The following NDUFB6 variants were observed in gnomAD, a reference collection of about 807,000 sequenced individuals.
The protein encoded by NDUFB6 is NADH:ubiquinone oxidoreductase subunit B6.
A neutral mutation model predicts 17.5 loss-of-function variants in NDUFB6; 23 were observed. The observed-to-expected ratio is 1.31, with a 90% CI of 0.94 to 1.86. NDUFB6 has a LOEUF of 1.86. Ranked by LOEUF, NDUFB6 falls within the 40% of genes most tolerant of loss-of-function variation. The pLI, the probability that NDUFB6 is intolerant of heterozygous loss-of-function variation, is 0.00. For synonymous variants in NDUFB6, 60 were observed against 53.5 expected (o/e 1.12, Z -0.53); for missense variants, 167 against 153.8 (o/e 1.09, Z -0.46).
chr9:32,553,151 T>C lies in NDUFB6; in HGVS notation c.*725A>G, dbSNP rs576906633. 14 of 407,788 alleles carry C rather than the reference T, an allele frequency of 3.4e-5. No homozygotes were observed. The East Asian group carries it at 5.8e-4, about 17-fold the overall frequency. The allele number at this position is 407,788 out of a possible 1,614,324, so 25.3% of individuals were successfully genotyped here. A position where few individuals can be genotyped will look rare whatever the true frequency, so the allele number is the denominator to read the frequency against. On this transcript the variant is annotated 3_prime_UTR_variant, in exon 4 of 4. Transcript: ENST00000379847. ...CTTGAGTGTCAGATCATAGTTGGAATAAGCTTTTCAATCAAGTTTCTAAAT... is the reference window on the plus strand; with the variant it reads ...CTTGAGTGTCAGATCATAGTTGGAACAAGCTTTTCAATCAAGTTTCTAAAT...
intron 2 of NDUFB6, among the ~76,000 whole-genome samples, chr9:32,570,683 C>G (rs60622768): frequency 1.1e-3 from 173 of 151,884 alleles, no homozygotes; most frequent in Non-Finnish European, 1.8e-3. Context: ...ATTCATGACT[C>G]CAAATTTACC....
intron 2 of NDUFB6, among the ~76,000 whole-genome samples, chr9:32,561,865 C>T (rs185926534): frequency 1.3e-4 from 20 of 152,332 alleles, no homozygotes; most frequent in Admixed American, 8.5e-4. Context: ...TCTACTAAAA[C>T]GCAATGGCCT....
At chr9:32,563,491 C>CTTT (rs111646430) in intron 2 of NDUFB6, among the ~76,000 whole-genome samples, 4 of 92,004 alleles carry the variant, frequency 4.3e-5, no homozygotes, top group African/African-American at 1.3e-4. Flanking sequence ...GACTATTGGG[C>CTTT]TTTTTTTTTT....
intron 2 of NDUFB6, chr9:32,566,074 A>C (rs1821778772): frequency 2.3e-6 from 1 of 427,710 alleles, no homozygotes; most frequent in South Asian, 3.8e-5. Flanking sequence ...AGTGACCAAA[A>C]AAAAAAAAAG....
Position 32,563,491 on chromosome 9 carries a change from C to CTTTTTTTTTTT in NDUFB6, c.274-4548_274-4538dup, listed in dbSNP as rs111646430. ...CTCCTGAACAGGTGGGACTATTGGG[C>CTTTTTTTTTTT]TTTTTTTTTTTTTGGAGGGATGGGG... is the stretch of plus-strand genomic sequence containing the variant. On this transcript the variant is annotated intron_variant, in intron 2 of 3. Transcript: ENST00000379847. Among the ~76,000 whole-genome samples, 46 of 91,988 alleles carry CTTTTTTTTTTT rather than the reference C, an allele frequency of 5.0e-4. 7 individuals carry two copies. Among genetic ancestry groups the CTTTTTTTTTTT allele is most frequent in the African/African-American group, 1.0e-3 (23 of 22,588 alleles). The allele number at this position is 91,988 out of a possible 152,430, so 60.3% of individuals were successfully genotyped here.
At chr9:32,566,950 A>G (rs1158288548) in intron 2 of NDUFB6, 4 of 525,236 alleles carry the variant, frequency 7.6e-6, no homozygotes, top group Admixed American at 2.5e-5. Context: ...TGAGGTGAGC[A>G]GCACCAGCTC....
intron 2 of NDUFB6, chr9:32,566,328 T>C (rs922830789): frequency 8.5e-7 from 1 of 1,172,336 alleles, no homozygotes; most frequent in Non-Finnish European, 1.3e-6. Context: ...TCCATCTTGT[T>C]CTTTAACTGC....
At chr9:32,570,329 C>T (rs894886223) in intron 2 of NDUFB6, among the ~76,000 whole-genome samples, 3 of 152,152 alleles carry the variant, frequency 2.0e-5, no homozygotes, top group African/African-American at 7.2e-5. Context: ...CTTTTGTGCT[C>T]CAACACTTCA....
At chr9:32,571,131 TAACAATGC>T in intron 1 of NDUFB6, 79 bp from the exon 2 acceptor site, 1 of 931,406 alleles carries the variant, frequency 1.1e-6, no homozygotes. Flanking sequence ...ATCAATGATG[TAACAATGC>T]CATGACTATT....
At chr9:32,560,868 AAT>A (rs1197593194) in intron 2 of NDUFB6, among the ~76,000 whole-genome samples, 1 of 152,334 alleles carries the variant, frequency 6.6e-6, no homozygotes, top group Admixed American at 6.5e-5. Flanking sequence ...TTAGGAAAAA[AAT>A]ATGTTTTTAT....
intron 2 of NDUFB6, among the ~76,000 whole-genome samples, chr9:32,569,242 C>T (rs1273440778): frequency 6.6e-6 from 1 of 151,770 alleles, no homozygotes; most frequent in East Asian, 2.0e-4. Context: ...TTTTTTGAGA[C>T]GGAGTCTCAC....
rs557468799 is a variant in NDUFB6 at position 32,568,588 on chromosome 9, A to G, written c.273+2372T>C. ...AAACAGCATCTCATGCTACAGAGAT[A>G]TCTTTCGTGAAAATAAAAGTCAATC... is the stretch of plus-strand genomic sequence containing the variant. On this transcript the variant is annotated intron_variant, in intron 2 of 3. Coordinates refer to ENST00000379847, the MANE Select transcript of NDUFB6 (RefSeq NM_002493.5). The G allele has an allele frequency of 5.0e-3, 873 of 175,052 alleles. 7 individuals are homozygous for G. Among genetic ancestry groups the G allele is most frequent in the African/African-American group, 0.02 (838 of 41,654 alleles). 10.8% of individuals were successfully genotyped at this position (175,052 alleles called of 1,614,324 possible).
At position 32,553,354 on chromosome 9, in the gene NDUFB6, A is replaced by C. The variant is rs539942074; in HGVS notation, c.*522T>G. 904 of 167,942 alleles carry C rather than the reference A, an allele frequency of 5.4e-3. 7 individuals carry two copies. Among genetic ancestry groups the C allele is most frequent in the African/African-American group, 0.02 (850 of 41,590 alleles). 10.4% of individuals were successfully genotyped at this position (167,942 alleles called of 1,614,324 possible). A position where few individuals can be genotyped will look rare whatever the true frequency, so the allele number is the denominator to read the frequency against. On this transcript the variant is annotated 3_prime_UTR_variant, in exon 4 of 4. Transcript: ENST00000379847. ...CAGGAGCCCGCCACCACGCCCGGCT[A>C]ATTTTTTTGTATTTTTAGTAGGGAC...
intron 3 of NDUFB6, among the ~76,000 whole-genome samples, chr9:32,558,163 G>A (rs1442504453): frequency 1.4e-5 from 2 of 138,520 alleles, no homozygotes; most frequent in Admixed American, 8.1e-5. Flanking sequence ...CCAGGCTGGA[G>A]TGCAGTGGCG....
chr9:32,566,960 C>T (rs991925635), intron 2 of NDUFB6: 6 of 516,656 alleles, frequency 1.2e-5, no homozygotes, highest in South Asian at 7.1e-5. Context: ...AGCACCAGCT[C>T]GGCATCGTCG....
At chr9:32,556,125 T>A (rs1161288400) in intron 3 of NDUFB6, among the ~76,000 whole-genome samples, 2 of 152,166 alleles carry the variant, frequency 1.3e-5, no homozygotes, top group Non-Finnish European at 2.9e-5. Context: ...TTGGGATTTC[T>A]CCCTAAGGAG....
intron 2 of NDUFB6, chr9:32,566,235 G>A: frequency 1.1e-6 from 1 of 922,574 alleles, no homozygotes; most frequent in Non-Finnish European, 1.8e-6. Flanking sequence ...TTTTGTGGGT[G>A]GTTTTCTTAT....
chr9:32,566,463 G>A (rs145545629), intron 2 of NDUFB6: 22 of 808,492 alleles, frequency 2.7e-5, no homozygotes, highest in Middle Eastern at 2.2e-4. Flanking sequence ...ACAAGCAGCC[G>A]TCCATGTCGA....
rs377680875 is a variant in NDUFB6, at chr9:32,558,313, G to A, written c.318+597C>T. On this transcript the variant is annotated intron_variant, in intron 3 of 3. Transcript: ENST00000379847. ...TTTTCAGTAGAGACGGGGTTTCACC[G>A]TGTTAGCCAGAATGGTCTCGATCTC... Among the ~76,000 whole-genome samples, 117 of 152,006 alleles carry A rather than the reference G, an allele frequency of 7.7e-4. 2 individuals are homozygous for A. Among genetic ancestry groups the A allele is most frequent in the African/African-American group, 2.8e-3 (115 of 41,464 alleles).
Sources: allele counts gnomAD v4.1 joint callset (sites outside exome capture counted in the v4.1 genomes callset), GRCh38; gene constraint gnomAD v4.1.1; transcripts MANE v1.5; gene names NCBI Gene and HGNC (gene_info 2026-07-23, HGNC 2026-07-21).